The following OTUD3 variants were observed in gnomAD, a reference collection of about 807,000 sequenced individuals.
OTUD3 encodes the protein OTU deubiquitinase 3.
OTUD3 carries 24 observed loss-of-function variants against 46.2 expected under a neutral mutation model. The observed-to-expected ratio is 0.52, with a 90% CI of 0.38 to 0.73. OTUD3 has a LOEUF of 0.73. Ranked by LOEUF, OTUD3 falls within the 30% of genes least tolerant of loss-of-function variation. OTUD3 has a pLI of 0.00. For missense variants in OTUD3, 455 were observed against 523.3 expected (o/e 0.87, Z 1.27); for synonymous variants, 189 against 195.4 (o/e 0.97, Z 0.27).
At chr1:19,900,242 C>T (rs539639714) in intron 4 of OTUD3, among the ~76,000 whole-genome samples, 11 of 152,096 alleles carry the variant, frequency 7.2e-5, no homozygotes, top group South Asian at 4.2e-4. Context: ...CTCACTCTGT[C>T]GCCCAGGCTG....
chr1:19,883,335 G>A (rs1331821740), intron 1 of OTUD3, among the ~76,000 whole-genome samples: 1 of 152,148 alleles, frequency 6.6e-6, no homozygotes, highest in Non-Finnish European at 1.5e-5. Flanking sequence ...CTGGATCCAG[G>A]TCCAGCTTTC....
chr1:19,897,606 G>C lies in OTUD3; in HGVS notation c.550G>C (p.Asp184His). The change falls in exon 4 of 8, where the codon GAC becomes CAC. Residue 184 changes from aspartate to histidine, a missense_variant. By Grantham distance (81) the Asp-to-His change is moderately conservative. Coordinates refer to ENST00000375120, the MANE Select transcript of OTUD3 (RefSeq NM_015207.2). ...HIAYRYGEHY[D>H]SVRRINDNSE... ...CGCATATCGGTATGGAGAGCACTACGACAGTGTTCGGAGGATCAATGACAA... is the reference window on the plus strand; with the variant it reads ...CGCATATCGGTATGGAGAGCACTACCACAGTGTTCGGAGGATCAATGACAA... 2 of 1,614,066 alleles carry C rather than the reference G, an allele frequency of 1.2e-6. No homozygotes were observed. The highest frequency in any genetic ancestry group is 4.5e-5 in the East Asian group (2 of 44,880).
Position 19,912,682 on chromosome 1 carries a change from A to G in OTUD3, c.*4936A>G, listed in dbSNP as rs1180766876. 1 of 152,382 alleles carries G rather than the reference A, an allele frequency of 6.6e-6. No individual in the cohort carries two copies. Among genetic ancestry groups the G allele is most frequent in the Non-Finnish European group, 1.5e-5 (1 of 68,054 alleles). The allele number at this position is 152,382 out of a possible 1,614,324, so 9.4% of individuals were successfully genotyped here. A position where few individuals can be genotyped will look rare whatever the true frequency, so the allele number is the denominator to read the frequency against. On this transcript the variant is annotated 3_prime_UTR_variant, in exon 8 of 8. Transcript: ENST00000375120. ...AGTCTTGCCTTATCTATGGAGCTCG[A>G]TGGTGAGAATTGTGACCATTGTCTG... is the stretch of plus-strand genomic sequence containing the variant.
intron 4 of OTUD3, among the ~76,000 whole-genome samples, chr1:19,902,817 A>C (rs1023875816): frequency 2.0e-5 from 3 of 152,106 alleles, no homozygotes; most frequent in Non-Finnish European, 4.4e-5. Flanking sequence ...TTTTATACTT[A>C]AAATTTATTT....
chr1:19,907,453 G>A, intron 7 of OTUD3, 117 bp from the exon 8 acceptor site: 1 of 851,632 alleles, frequency 1.2e-6, no homozygotes. Flanking sequence ...GTCTTAGATT[G>A]GTTTTCCCTG....
intron 2 of OTUD3, 78 bp from the exon 3 acceptor site, chr1:19,894,290 T>A: frequency 1.3e-6 from 1 of 759,470 alleles, no homozygotes; most frequent in Non-Finnish European, 2.2e-6. Context: ...TATTTGGAAC[T>A]CAGTAAATAC....
chr1:19,899,542 T>A lies in OTUD3; in HGVS notation c.606+1880T>A, dbSNP rs146849238. ...CACTTACTGATGGACTTTTAGGTGG[T>A]TTCTAACCCTTTGCTATTATAAGCA... On this transcript the variant is annotated intron_variant, in intron 4 of 7. Coordinates refer to ENST00000375120, the MANE Select transcript of OTUD3 (RefSeq NM_015207.2). Among the ~76,000 whole-genome samples the A allele has an allele frequency of 4.6e-3, 698 of 152,366 alleles. 7 individuals carry two copies. The highest frequency in any genetic ancestry group is 0.016 in the African/African-American group (674 of 41,568).
At chr1:19,905,408 T>A (rs556740075) in intron 6 of OTUD3, among the ~76,000 whole-genome samples, 15 of 152,180 alleles carry the variant, frequency 9.9e-5, no homozygotes, top group African/African-American at 3.6e-4. Flanking sequence ...TTTTTTTTTT[T>A]AATTTGAACC....
chr1:19,882,606 G>C lies in OTUD3; in HGVS notation c.93G>C (p.Arg31=). The C allele has an allele frequency of 6.9e-7, 1 of 1,442,880 alleles. No homozygotes were observed. Among genetic ancestry groups the C allele is most frequent in the Non-Finnish European group, 9.1e-7 (1 of 1,101,094 alleles). The allele number at this position is 1,442,880 out of a possible 1,614,324, so 89.4% of individuals were successfully genotyped here. ...ERKRDERAAR[R]ALAKERRNRP... is the part of the protein sequence containing the mutation. ...AGCGGGACGAGCGGGCGGCGCGCCG[G>C]GCCCTGGCCAAGGAGCGGCGGAATC... The change falls in exon 1 of 8, where the codon CGG becomes CGC. Residue 31 remains arginine, a synonymous_variant. Coordinates refer to ENST00000375120, the MANE Select transcript of OTUD3 (RefSeq NM_015207.2).
intron 4 of OTUD3, among the ~76,000 whole-genome samples, chr1:19,898,904 G>GT (rs2045552515): frequency 6.6e-6 from 1 of 152,058 alleles, no homozygotes; most frequent in Non-Finnish European, 1.5e-5. Context: ...TTGTCTACGT[G>GT]GACTCCAGCG....
chr1:19,890,910 C>T (rs1290965005), intron 2 of OTUD3, among the ~76,000 whole-genome samples: 1 of 152,116 alleles, frequency 6.6e-6, no homozygotes, highest in Non-Finnish European at 1.5e-5. Flanking sequence ...TAATTCTTAG[C>T]TTCACTTATT....
chr1:19,906,677 G>C, intron 7 of OTUD3, 61 bp downstream of exon 7: 1 of 1,353,118 alleles, frequency 7.4e-7, no homozygotes, highest in Non-Finnish European at 1.0e-6. Context: ...GGCAGTGGTG[G>C]TAGCTTGAGA....
intron 4 of OTUD3, among the ~76,000 whole-genome samples, chr1:19,897,979 C>A (rs1246607528): frequency 6.9e-6 from 1 of 145,260 alleles, no homozygotes; most frequent in Non-Finnish European, 1.5e-5. Context: ...GATGGAGTTT[C>A]GCTCTTGTTG....
intron 5 of OTUD3, among the ~76,000 whole-genome samples, 165 bp downstream of exon 5, chr1:19,904,563 T>C (rs1281436305): frequency 6.6e-6 from 1 of 152,242 alleles, no homozygotes; most frequent in African/African-American, 2.4e-5. Flanking sequence ...GAGAGCTGTT[T>C]ATTAATTTCC....
At chr1:19,891,748 T>G (rs1226695435) in intron 2 of OTUD3, among the ~76,000 whole-genome samples, 1 of 152,166 alleles carries the variant, frequency 6.6e-6, no homozygotes, top group Non-Finnish European at 1.5e-5. Flanking sequence ...GTGTTTCCCA[T>G]TCCTTACTAG....
At chr1:19,895,373 T>C (rs1247763981) in intron 3 of OTUD3, among the ~76,000 whole-genome samples, 4 of 152,194 alleles carry the variant, frequency 2.6e-5, no homozygotes, top group Admixed American at 6.5e-5. Flanking sequence ...CCACCACTAC[T>C]ATCAACACAG....
intron 4 of OTUD3, among the ~76,000 whole-genome samples, chr1:19,898,969 C>G (rs2045553727): frequency 6.6e-6 from 1 of 151,996 alleles, no homozygotes; most frequent in South Asian, 2.1e-4. Flanking sequence ...CGCCACCATG[C>G]TTTGTTAATT....
intron 4 of OTUD3, among the ~76,000 whole-genome samples, chr1:19,903,884 T>A (rs190666958): frequency 6.6e-6 from 1 of 152,210 alleles, no homozygotes; most frequent in Non-Finnish European, 1.5e-5. Flanking sequence ...CAGCACCGTT[T>A]TTGTGCAAAA....
intron 2 of OTUD3, among the ~76,000 whole-genome samples, chr1:19,891,384 T>C (rs1056591102): frequency 6.6e-6 from 1 of 152,246 alleles, no homozygotes; most frequent in Non-Finnish European, 1.5e-5. Flanking sequence ...CTGTCTGTTA[T>C]CAGGAAAGAG....
Sources: gnomAD v4.1 joint callset for allele counts (sites outside exome capture counted in the v4.1 genomes callset) on GRCh38, gnomAD v4.1.1 for gene constraint, MANE v1.5 for transcripts, NCBI Gene and HGNC (gene_info 2026-07-23, HGNC 2026-07-21) for gene names.